Variants in FSTL5 observed in about 807,000 individuals in gnomAD.
FSTL5 encodes the protein follistatin like 5, also known as follistatin-related protein 5.
FSTL5 carries 62 observed loss-of-function variants against 89.1 expected under a neutral mutation model. That is an observed-to-expected ratio of 0.70 (90% CI 0.57 to 0.86). The LOEUF (loss-of-function observed/expected upper bound fraction) is 0.86. Among genes scored for constraint, FSTL5 ranks in the 40% least tolerant of loss-of-function variants. The pLI is 0.00. For synonymous variants in FSTL5, 383 were observed against 346.2 expected (o/e 1.11, Z -1.18); for missense variants, 1,057 against 1,001.6 (o/e 1.06, Z -0.75).
chr4:161,477,654 T>C (rs1464780025), intron 13 of FSTL5, among the ~76,000 whole-genome samples: 1 of 57,600 alleles, frequency 1.7e-5, no homozygotes, highest in Admixed American at 1.6e-4. Context: ...CTGAACTTAT[T>C]TAATCATCCT....
intron 6 of FSTL5, among the ~76,000 whole-genome samples, chr4:161,705,008 A>G (rs1738521779): frequency 6.6e-6 from 1 of 152,058 alleles, no homozygotes; most frequent in Non-Finnish European, 1.5e-5. Flanking sequence ...GTGGATTCCA[A>G]ATTGGGTATA....
At chr4:162,121,180 ATATAG>A (rs1188295719) in intron 1 of FSTL5, among the ~76,000 whole-genome samples, 2 of 152,024 alleles carry the variant, frequency 1.3e-5, no homozygotes, top group Non-Finnish European at 1.5e-5. Flanking sequence ...AGATGGTTAT[ATATAG>A]TATAGCATAT....
intron 4 of FSTL5, among the ~76,000 whole-genome samples, chr4:161,887,627 A>G (rs1486935688): frequency 6.6e-6 from 1 of 151,964 alleles, no homozygotes; most frequent in African/African-American, 2.4e-5. Flanking sequence ...CTCTCTTCAT[A>G]TTTTTTAGGA....
At chr4:161,477,245 C>T (rs1187385055) in intron 13 of FSTL5, among the ~76,000 whole-genome samples, 2 of 150,666 alleles carry the variant, frequency 1.3e-5, no homozygotes, top group East Asian at 4.0e-4. Context: ...AATTTATCTG[C>T]CTTTTTAAGA....
chr4:162,153,895 C>G (rs1733365863), intron 1 of FSTL5, among the ~76,000 whole-genome samples: 1 of 150,878 alleles, frequency 6.6e-6, no homozygotes, highest in South Asian at 2.1e-4. Context: ...AACCTCCACC[C>G]CTTGGGTTCA....
chr4:161,518,567 C>T (rs974920041), intron 10 of FSTL5, among the ~76,000 whole-genome samples: 1 of 152,128 alleles, frequency 6.6e-6, no homozygotes. Flanking sequence ...TTAAAGTTCA[C>T]CTTAGTTTTC....
chr4:161,726,227 CTTT>C (rs5863477), intron 6 of FSTL5, among the ~76,000 whole-genome samples: 1 of 113,676 alleles, frequency 8.8e-6, no homozygotes. Context: ...TTTTCTTTTT[CTTT>C]TTTTTTTTTT....
rs544108259 is a variant in FSTL5, at chr4:161,595,650, AC to A, written c.895-8076del. Among the ~76,000 whole-genome samples, 32 of 152,128 alleles carry A rather than the reference AC, an allele frequency of 2.1e-4. No individual in the cohort carries two copies. The South Asian group carries it at 6.4e-3, about 31-fold the overall frequency. On this transcript the variant is annotated intron_variant, in intron 7 of 15. Coordinates refer to ENST00000306100, the MANE Select transcript of FSTL5 (RefSeq NM_020116.5). ...TGTAAGAGTAACAAAACATTTAATA[AC>A]CTATAGATGATGAGCACTGATTAAT...
At chr4:161,763,075 T>C (rs930150691) in intron 5 of FSTL5, among the ~76,000 whole-genome samples, 8 of 152,128 alleles carry the variant, frequency 5.3e-5, no homozygotes, top group Admixed American at 3.9e-4. Flanking sequence ...AACTTGACCA[T>C]CCGCAAAATG....
intron 6 of FSTL5, among the ~76,000 whole-genome samples, chr4:161,743,935 G>C (rs935715297): frequency 6.6e-6 from 1 of 152,112 alleles, no homozygotes; most frequent in East Asian, 1.9e-4. Flanking sequence ...AGAATTTTTA[G>C]ATTCAAATAT....
chr4:162,154,640 G>T (rs187968946), intron 1 of FSTL5, among the ~76,000 whole-genome samples: 1 of 152,238 alleles, frequency 6.6e-6, no homozygotes, highest in East Asian at 1.9e-4. Context: ...GGAAAACACA[G>T]CAGATGACCA....
intron 3 of FSTL5, among the ~76,000 whole-genome samples, chr4:162,005,541 C>T (rs946926231): frequency 1.2e-4 from 18 of 151,904 alleles, no homozygotes; most frequent in Admixed American, 1.2e-3. Flanking sequence ...GAATGGGATC[C>T]CAAGAAAATT....
At chr4:162,012,356 G>A (rs1330723052) in intron 3 of FSTL5, among the ~76,000 whole-genome samples, 1 of 152,038 alleles carries the variant, frequency 6.6e-6, no homozygotes. Context: ...TATTCCAACT[G>A]TTCAGGTTAT....
intron 10 of FSTL5, among the ~76,000 whole-genome samples, chr4:161,530,645 A>T (rs1731379976): frequency 6.6e-6 from 1 of 152,014 alleles, no homozygotes; most frequent in African/African-American, 2.4e-5. Flanking sequence ...GCCTTATAGT[A>T]TATTTATTAT....
intron 4 of FSTL5, among the ~76,000 whole-genome samples, chr4:161,864,870 C>CAAAAAAA (rs10636039): frequency 4.3e-5 from 4 of 92,364 alleles, no homozygotes; most frequent in East Asian, 3.4e-4. Context: ...GACTTCGTCT[C>CAAAAAAA]AAAAAAAAAA....
intron 4 of FSTL5, among the ~76,000 whole-genome samples, chr4:161,877,969 T>C (rs1302817355): frequency 3.6e-5 from 5 of 139,860 alleles, no homozygotes; most frequent in Non-Finnish European, 7.8e-5. Context: ...ATTCTGTTTT[T>C]TAGGTGCATA....
intron 3 of FSTL5, among the ~76,000 whole-genome samples, chr4:161,977,105 T>C (rs2111034145): frequency 6.6e-6 from 1 of 152,292 alleles, no homozygotes; most frequent in Admixed American, 6.5e-5. Flanking sequence ...GAAATTACAT[T>C]CCTTGAGAAG....
At chr4:161,998,724 A>T (rs948401740) in intron 3 of FSTL5, among the ~76,000 whole-genome samples, 1 of 152,172 alleles carries the variant, frequency 6.6e-6, no homozygotes, top group Non-Finnish European at 1.5e-5. Flanking sequence ...TTCAATTAAG[A>T]TATTCACCAT....
chr4:161,784,660 G>A (rs1345495722), intron 4 of FSTL5, among the ~76,000 whole-genome samples: 1 of 151,866 alleles, frequency 6.6e-6, no homozygotes, highest in African/African-American at 2.4e-5. Context: ...TTTGGAAGGC[G>A]GAGGCGGGTG....
Sources: allele counts gnomAD v4.1 joint callset (sites outside exome capture counted in the v4.1 genomes callset), GRCh38; gene constraint gnomAD v4.1.1; transcripts MANE v1.5; gene names NCBI Gene and HGNC (gene_info 2026-07-23, HGNC 2026-07-21).